Variants in PREX2 observed in about 807,000 individuals in gnomAD.
PREX2 encodes the protein phosphatidylinositol-3,4,5-trisphosphate dependent Rac exchange factor 2.
A neutral mutation model predicts 203.2 loss-of-function variants in PREX2; 107 were observed. The observed-to-expected ratio is 0.53, with a 90% CI of 0.45 to 0.62. PREX2 has a LOEUF of 0.62. PREX2 is among the 20% of genes least tolerant of loss of function. The probability of loss-of-function intolerance (pLI) is 0.00; values close to 1 mark genes in which losing one functional copy is unlikely to be tolerated. For missense variants in PREX2, 1,777 were observed against 1,955.9 expected, an observed-to-expected ratio of 0.91 and a Z score of 1.72; for synonymous variants, 672 against 663.6, an observed-to-expected ratio of 1.01 and a Z score of -0.19.
chr8:68,209,432 A>AT (rs1266150994), intron 37 of PREX2, among the ~76,000 whole-genome samples: 1 of 152,198 alleles, frequency 6.6e-6, no homozygotes, highest in Non-Finnish European at 1.5e-5. Flanking sequence ...AATCTGTAAG[A>AT]TTCTAAATAT....
intron 37 of PREX2, among the ~76,000 whole-genome samples, chr8:68,217,292 A>G (rs1812861847): frequency 6.6e-6 from 1 of 152,246 alleles, no homozygotes; most frequent in Non-Finnish European, 1.5e-5. Context: ...CATTTCTTCT[A>G]AATTACATGA....
chr8:68,111,021 G>A, intron 25 of PREX2: 1 of 374,170 alleles, frequency 2.7e-6, no homozygotes, highest in South Asian at 2.0e-5. Context: ...TGGAATCCTT[G>A]TGACAGCAGT....
intron 1 of PREX2, among the ~76,000 whole-genome samples, chr8:68,017,184 A>G (rs965924075): frequency 6.6e-6 from 1 of 152,104 alleles, no homozygotes; most frequent in African/African-American, 2.4e-5. Context: ...GACCACTGAG[A>G]AGAGTCCAAA....
chr8:67,992,638 G>T (rs1489440174), intron 1 of PREX2, among the ~76,000 whole-genome samples: 1 of 152,204 alleles, frequency 6.6e-6, no homozygotes, highest in African/African-American at 2.4e-5. Context: ...TCTTAAAACA[G>T]TGCAGTGTGT....
At chr8:68,061,464 C>T (rs771712670) in intron 11 of PREX2, among the ~76,000 whole-genome samples, 93 of 152,280 alleles carry the variant, frequency 6.1e-4, no homozygotes, top group South Asian at 1.7e-3. Flanking sequence ...TTCAAGACTG[C>T]GAGCACTAGG....
At chr8:68,187,574 A>G (rs1483151781) in intron 35 of PREX2, among the ~76,000 whole-genome samples, 2 of 152,176 alleles carry the variant, frequency 1.3e-5, no homozygotes, top group Non-Finnish European at 2.9e-5. Context: ...CATTTTGAAA[A>G]TAAGAAAACT....
intron 10 of PREX2, among the ~76,000 whole-genome samples, chr8:68,059,726 A>G (rs1376124706): frequency 6.6e-6 from 1 of 152,100 alleles, no homozygotes; most frequent in Non-Finnish European, 1.5e-5. Flanking sequence ...TCTTAGATTG[A>G]GGCTCTGGGG....
Position 68,227,022 on chromosome 8 carries a change from A to T in PREX2, c.4775+2396A>T, listed in dbSNP as rs547225180. ...TATGATGTGAAGTGAGACTGGAGATATAGGCAGAGCCAGATCAGAGAGACT... is the reference window on the plus strand; with the variant it reads ...TATGATGTGAAGTGAGACTGGAGATTTAGGCAGAGCCAGATCAGAGAGACT... On this transcript the variant is annotated intron_variant, in intron 39 of 39. Transcript: ENST00000288368. Among the ~76,000 whole-genome samples, 90 of 152,380 alleles carry T rather than the reference A, an allele frequency of 5.9e-4. 1 individual carries two copies. The South Asian group carries it at 0.018, about 30-fold the overall frequency.
chr8:68,120,158 T>G, intron 28 of PREX2, 38 bp from the exon 29 acceptor site: 4 of 1,328,984 alleles, frequency 3.0e-6, no homozygotes, highest in African/African-American at 1.4e-5. Flanking sequence ...TCATGTACTA[T>G]GAGAAATATG....
chr8:68,169,092 G>A (rs1811817831), intron 35 of PREX2, among the ~76,000 whole-genome samples: 2 of 152,128 alleles, frequency 1.3e-5, no homozygotes, highest in Admixed American at 1.3e-4. Context: ...TACAGGTCCT[G>A]AAGATACCAT....
chr8:68,065,275 A>G (rs1808982565), intron 11 of PREX2, among the ~76,000 whole-genome samples: 1 of 152,240 alleles, frequency 6.6e-6, no homozygotes, highest in Non-Finnish European at 1.5e-5. Context: ...TGGAATATCA[A>G]GACAATCTAT....
chr8:68,169,278 G>C (rs565869234), intron 35 of PREX2, among the ~76,000 whole-genome samples: 3 of 152,026 alleles, frequency 2.0e-5, no homozygotes, highest in Admixed American at 2.0e-4. Flanking sequence ...CCCAGGCCAC[G>C]CACCCATTCC....
intron 1 of PREX2, among the ~76,000 whole-genome samples, chr8:67,969,388 A>T (rs776526562): frequency 6.6e-6 from 1 of 151,290 alleles, no homozygotes; most frequent in Non-Finnish European, 1.5e-5. Context: ...TGGTCTCATC[A>T]CCCCCTGTAT....
intron 4 of PREX2, among the ~76,000 whole-genome samples, chr8:68,025,675 A>G (rs1284931685): frequency 2.0e-5 from 3 of 151,724 alleles, no homozygotes; most frequent in African/African-American, 7.3e-5. Flanking sequence ...ATGTGCTTTC[A>G]TTTTTCTACA....
chr8:68,175,972 A>G (rs1353944662), intron 35 of PREX2, among the ~76,000 whole-genome samples: 1 of 152,116 alleles, frequency 6.6e-6, no homozygotes, highest in Admixed American at 6.6e-5. Flanking sequence ...GAAAGCCTAT[A>G]GTTCTATTCC....
At chr8:68,126,745 A>G (rs1810897227) in intron 30 of PREX2, among the ~76,000 whole-genome samples, 1 of 152,064 alleles carries the variant, frequency 6.6e-6, no homozygotes, top group Non-Finnish European at 1.5e-5. Context: ...ACAAATGGAC[A>G]TGTAACTCAT....
At chr8:68,105,021 T>C (rs1242564553) in intron 23 of PREX2, 1 of 701,572 alleles carries the variant, frequency 1.4e-6, no homozygotes, top group Non-Finnish European at 2.2e-6. Context: ...GTTCAGTGTT[T>C]CCTTTGATGT....
Position 68,235,534 on chromosome 8 carries a change from A to G in PREX2, c.*4156A>G, listed in dbSNP as rs1813250015. ...CCAAGCTTTGAAATGACTTAAAGTG[A>G]TCTGAATTTTGATTGAGAAAAATAA... is the stretch of plus-strand genomic sequence containing the variant. On this transcript the variant is annotated 3_prime_UTR_variant, in exon 40 of 40. Transcript: ENST00000288368. 1 of 152,130 alleles carries G rather than the reference A, an allele frequency of 6.6e-6. No homozygotes were observed. Among genetic ancestry groups the G allele is most frequent in the South Asian group, 2.1e-4 (1 of 4,826 alleles). 9.4% of individuals were successfully genotyped at this position (152,130 alleles called of 1,614,324 possible). A position where few individuals can be genotyped will look rare whatever the true frequency, so the allele number is the denominator to read the frequency against.
chr8:68,151,783 G>GA lies in PREX2; in HGVS notation c.4231+5443dup, dbSNP rs202103860. On this transcript the variant is annotated intron_variant, in intron 34 of 39. Transcript: ENST00000288368. ...TATTCTCTTTTTTTTAACCTCCTAT[G>GA]AAAAAAAAAAAAGCTGCCACCCAAA... Among the ~76,000 whole-genome samples, 556 of 138,814 alleles carry GA rather than the reference G, an allele frequency of 4.0e-3. 1 individual carries two copies. Among genetic ancestry groups the GA allele is most frequent in the East Asian group, 0.012 (58 of 4,804 alleles). The allele number at this position is 138,814 out of a possible 152,430, so 91.1% of individuals were successfully genotyped here. A position where few individuals can be genotyped will look rare whatever the true frequency, so the allele number is the denominator to read the frequency against.
Sources: allele counts gnomAD v4.1 joint callset (sites outside exome capture counted in the v4.1 genomes callset), GRCh38; gene constraint gnomAD v4.1.1; transcripts MANE v1.5; gene names NCBI Gene and HGNC (gene_info 2026-07-23, HGNC 2026-07-21).